The following GSTA5 variants were observed in gnomAD, a reference collection of about 807,000 sequenced individuals.
GSTA5 encodes the protein glutathione S-transferase alpha 5.
Under a neutral mutation model 21.8 loss-of-function variants are expected in GSTA5, and 25 were observed. The ratio of observed to expected loss-of-function variants is 1.14; its 90% confidence interval spans 0.83 to 1.60. GSTA5 has a LOEUF of 1.60. GSTA5 is among the 40% of genes most tolerant of loss of function. The probability of loss-of-function intolerance (pLI) is 0.00; values close to 1 mark genes in which losing one functional copy is unlikely to be tolerated. For synonymous variants in GSTA5, 102 were observed against 89.5 expected, an observed-to-expected ratio of 1.14 and a Z score of -0.78; for missense variants, 330 against 259.2, an observed-to-expected ratio of 1.27 and a Z score of -1.88.
chr6:52,845,417 C>G (rs143270183), upstream of GSTA5, among the ~76,000 whole-genome samples: 4 of 152,252 alleles, frequency 2.6e-5, no homozygotes, highest in Non-Finnish European at 5.9e-5. Context: ...CGCTTAGAAA[C>G]CTCCTAGAGT....
At chr6:52,844,316 G>T (rs1196692597), upstream of GSTA5, among the ~76,000 whole-genome samples, 1 of 152,148 alleles carries the variant, frequency 6.6e-6, no homozygotes, top group Non-Finnish European at 1.5e-5. Context: ...CCAACTAAAT[G>T]TTGGAAGGAG....
intron 3 of GSTA5, among the ~76,000 whole-genome samples, chr6:52,835,196 A>T (rs1561926287): frequency 6.6e-6 from 1 of 152,188 alleles, no homozygotes; most frequent in Non-Finnish European, 1.5e-5. Flanking sequence ...CTTTACCTCC[A>T]GGCAACCACT....
intron 3 of GSTA5, among the ~76,000 whole-genome samples, chr6:52,836,001 T>G (rs1764286806): frequency 6.6e-6 from 1 of 152,188 alleles, no homozygotes; most frequent in Admixed American, 6.5e-5. Flanking sequence ...GAAACCTCAG[T>G]CAGGTTGCAG....
upstream of GSTA5, among the ~76,000 whole-genome samples, chr6:52,841,540 G>A (rs112324421): frequency 3.7e-3 from 561 of 152,336 alleles, 5 homozygotes; most frequent in African/African-American, 0.013. Flanking sequence ...TCTTTCAACA[G>A]AGAATGCTAA....
At chr6:52,845,646 G>T (rs1764443630), upstream of GSTA5, among the ~76,000 whole-genome samples, 1 of 152,138 alleles carries the variant, frequency 6.6e-6, no homozygotes. Context: ...CCTTAGTTTT[G>T]AATTTTCACA....
rs76534767 is a variant in GSTA5, at chr6:52,833,292, G to A, written c.415-302C>T. ...CCAAGGACTTAGCACCTGCCTCCATGTGTTCTGTCTGCCCCAGGCCCTACA... is the reference window on the plus strand; with the variant it reads ...CCAAGGACTTAGCACCTGCCTCCATATGTTCTGTCTGCCCCAGGCCCTACA... On this transcript the variant is annotated intron_variant, in intron 4 of 5. Coordinates refer to ENST00000370989, the Ensembl canonical transcript of GSTA5. 6.5e-3 allele frequency among the ~76,000 whole-genome samples: 989 copies of A among 152,176 alleles called. 12 individuals carry two copies. The highest frequency in any genetic ancestry group is 0.023 in the African/African-American group (949 of 41,496).
At chr6:52,840,595 T>G (rs1236415399) in intron 1 of GSTA5, 132 bp downstream of exon 1, 2 of 839,204 alleles carry the variant, frequency 2.4e-6, no homozygotes, top group Non-Finnish European at 3.9e-6. Flanking sequence ...CTATTCATCT[T>G]TTTCTTAATT....
intron 1 of GSTA5, among the ~76,000 whole-genome samples, chr6:52,838,388 A>C (rs1054235488): frequency 6.6e-6 from 1 of 152,268 alleles, no homozygotes; most frequent in Non-Finnish European, 1.5e-5. Context: ...TGATATCAAG[A>C]TTAAATTACA....
At chr6:52,838,617 C>T (rs780190295) in intron 1 of GSTA5, among the ~76,000 whole-genome samples, 10 of 152,270 alleles carry the variant, frequency 6.6e-5, no homozygotes, top group African/African-American at 2.2e-4. Flanking sequence ...TGAGTGGTTG[C>T]AGGTATTTAA....
intron 1 of GSTA5, among the ~76,000 whole-genome samples, chr6:52,840,329 A>C (rs545437687): frequency 6.6e-6 from 1 of 152,342 alleles, no homozygotes; most frequent in East Asian, 1.9e-4. Flanking sequence ...TAAATACTTC[A>C]ATGTGTTTTC....
intron 4 of GSTA5, among the ~76,000 whole-genome samples, chr6:52,833,661 C>A (rs1416130515): frequency 2.0e-5 from 3 of 152,184 alleles, no homozygotes; most frequent in Non-Finnish European, 4.4e-5. Flanking sequence ...CTCTGCATCC[C>A]ACAGTCACTC....
chr6:52,836,953 A>G (rs554318987), intron 2 of GSTA5, among the ~76,000 whole-genome samples: 22 of 152,170 alleles, frequency 1.4e-4, no homozygotes, highest in Middle Eastern at 3.4e-3. Context: ...GTGTTGATTT[A>G]TCTTCATGGA....
At chr6:52,834,848 T>C (rs76801519) in intron 3 of GSTA5, among the ~76,000 whole-genome samples, 5,957 of 152,266 alleles carry the variant, frequency 0.039, 211 homozygotes, top group South Asian at 0.13. Flanking sequence ...GCCCTCTCCA[T>C]GTGCTGTTGC....
upstream of GSTA5, among the ~76,000 whole-genome samples, chr6:52,844,629 A>C (rs1187207004): frequency 6.6e-6 from 1 of 152,204 alleles, no homozygotes; most frequent in Non-Finnish European, 1.5e-5. Flanking sequence ...TCCTCCCATT[A>C]CAAGGTTCAT....
Position 52,837,623 on chromosome 6 carries a change from C to T in GSTA5, c.88-14G>A. 8 of 1,591,602 alleles carry T rather than the reference C, an allele frequency of 5.0e-6. No homozygotes were observed. Among genetic ancestry groups the T allele is most frequent in the African/African-American group, 1.3e-5 (1 of 74,552 alleles). ...TTTCTCTTCCAACTGGAAGCAGAAA[C>T]AGTAAATGGGTTCTTCTTAGTTAAT... is the stretch of plus-strand genomic sequence containing the variant. On this transcript the variant is annotated splice_polypyrimidine_tract_variant and intron_variant, in intron 1 of 5. Coordinates refer to ENST00000370989, the Ensembl canonical transcript of GSTA5.
chr6:52,831,921 T>C (rs759801303), exon 6 of GSTA5: 3 of 1,613,976 alleles, frequency 1.9e-6, no homozygotes, highest in South Asian at 2.2e-5. Flanking sequence ...GCTGCCAGGC[T>C]GCAGAAACTT....
chr6:52,836,843 T>A (rs574867930), intron 2 of GSTA5, among the ~76,000 whole-genome samples: 1 of 152,198 alleles, frequency 6.6e-6, no homozygotes. Flanking sequence ...TTCCTGTAGT[T>A]CTTCTTTTTC....
chr6:52,837,527 C>T (rs1182507782), intron 2 of GSTA5, 31 bp downstream of exon 2: 18 of 1,471,618 alleles, frequency 1.2e-5, no homozygotes, highest in Non-Finnish European at 1.7e-5. Flanking sequence ...ACTAGAAACT[C>T]TCATCAGAGT....
At chr6:52,843,700 A>G (rs56743852), upstream of GSTA5, among the ~76,000 whole-genome samples, 3,445 of 152,248 alleles carry the variant, frequency 0.023, 130 homozygotes, top group African/African-American at 0.077. Flanking sequence ...GGAAATGCAA[A>G]TAGCATTATT....
Sources: allele counts gnomAD v4.1 joint callset (sites outside exome capture counted in the v4.1 genomes callset), GRCh38; gene constraint gnomAD v4.1.1; transcripts MANE v1.5; gene names NCBI Gene and HGNC (gene_info 2026-07-23, HGNC 2026-07-21).